Variants in MAGED1 observed in about 807,000 individuals in gnomAD.
The protein encoded by MAGED1 is MAGE family member D1, also known as melanoma-associated antigen D1.
Under a neutral mutation model 54.1 loss-of-function variants are expected in MAGED1, and 3 were observed. The observed-to-expected ratio is 0.06, with a 90% confidence interval of 0.03 to 0.14. The LOEUF is 0.14. Ranked by LOEUF, MAGED1 falls within the 10% of genes least tolerant of loss-of-function variation. MAGED1 has a pLI of 1.00. For missense variants in MAGED1, 485 were observed against 623.4 expected (o/e 0.78, Z 2.36); for synonymous variants, 217 against 227.3 (o/e 0.95, Z 0.41).
chrX:51,810,437 G>A (rs1480986385), intron 1 of MAGED1, among the ~76,000 whole-genome samples: 4 of 111,782 alleles, frequency 3.6e-5, no homozygotes, highest in African/African-American at 1.3e-4. Context: ...TTGAAAATTC[G>A]CTAAACATGG....
intron 1 of MAGED1, among the ~76,000 whole-genome samples, chrX:51,846,684 G>A (rs1450356462): frequency 9.0e-6 from 1 of 111,500 alleles, no homozygotes; most frequent in Non-Finnish European, 1.9e-5. Flanking sequence ...AATCATGGCA[G>A]AAGGCATGTC....
At chrX:51,892,996 C>G (rs1204686625), upstream of MAGED1, among the ~76,000 whole-genome samples, 1 of 110,659 alleles carries the variant, frequency 9.0e-6, no homozygotes, top group Admixed American at 9.6e-5. Context: ...CCCCAACACA[C>G]ACAAAATGAG....
intron 1 of MAGED1, among the ~76,000 whole-genome samples, chrX:51,826,495 C>G (rs781907179): frequency 9.0e-6 from 1 of 110,977 alleles, no homozygotes; most frequent in African/African-American, 3.3e-5. Context: ...TTGTCCTTCT[C>G]CATTGAATTA....
At chrX:51,859,988 G>A (rs1245611477) in intron 1 of MAGED1, among the ~76,000 whole-genome samples, 2 of 110,583 alleles carry the variant, frequency 1.8e-5, no homozygotes. Flanking sequence ...ATGGATAGCC[G>A]GGTGCATTGG....
intron 1 of MAGED1, among the ~76,000 whole-genome samples, chrX:51,848,998 T>C (rs77641785): frequency 9.2e-6 from 1 of 108,840 alleles, no homozygotes; most frequent in South Asian, 4.1e-4. Context: ...GTCATAAAGA[T>C]ATTCTACTAT....
chrX:51,897,205 C>T lies in MAGED1; in HGVS notation c.1423-3C>T. ...GTTTAATGATTTCCTTTTTCCCTCC[C>T]AGGCAAATAAGTTGGTCAAGTACTT... On this transcript the variant is annotated splice_region_variant and splice_polypyrimidine_tract_variant and intron_variant, in intron 4 of 12. Transcript: ENST00000326587. The T allele has an allele frequency of 8.3e-7, 1 of 1,209,852 alleles. No individual in the cohort carries two copies. Among genetic ancestry groups the T allele is most frequent in the Non-Finnish European group, 1.1e-6 (1 of 894,545 alleles).
At chrX:51,894,461 A>C in intron 2 of MAGED1, 112 bp downstream of exon 2, 1 of 857,723 alleles carries the variant, frequency 1.2e-6, no homozygotes, top group Non-Finnish European at 1.7e-6. Context: ...TTTAGTGACT[A>C]GACTCCGTGG....
At chrX:51,889,186 T>G (rs1316166389), upstream of MAGED1, among the ~76,000 whole-genome samples, 1 of 111,889 alleles carries the variant, frequency 8.9e-6, no homozygotes, top group Non-Finnish European at 1.9e-5. Flanking sequence ...GGGAAGCAGA[T>G]AAAGGGTACA....
In MAGED1 at chrX:51,897,266, G is replaced by A. The variant is rs1928799744; in HGVS notation, c.1481G>A (p.Arg494His). 3.3e-6 allele frequency: 4 copies of A among 1,205,436 alleles called. No individual in the cohort carries two copies. Among genetic ancestry groups the A allele is most frequent in the Admixed American group, 2.2e-5 (1 of 45,401 alleles). The stretch of plus-strand genomic sequence containing the variant: ...GACTACACAAAGGTGCCCATCAAGC[G>A]CTCAGGTATGCATCCAGTGTCCCCT... ...LKDYTKVPIK[R>H]SEMLRDIIRE... The change falls in exon 5 of 13, where the codon CGC (arginine) becomes CAC (histidine). Residue 494 changes from arginine to histidine, a missense_variant. Around this residue, in one of 2 missense-constraint regions of MAGED1, gnomAD observed 186 missense variants for 330.3 expected, o/e 0.56. Coordinates refer to ENST00000326587, the MANE Select transcript of MAGED1 (RefSeq NM_006986.4).
At chrX:51,804,103 A>G (rs1924951848) in intron 1 of MAGED1, among the ~76,000 whole-genome samples, 1 of 112,383 alleles carries the variant, frequency 8.9e-6, no homozygotes, top group Non-Finnish European at 1.9e-5. Flanking sequence ...TACACAATCT[A>G]TTTGTTGCAA....
chrX:51,876,764 T>C (rs1212552846), intron 1 of MAGED1, among the ~76,000 whole-genome samples: 1 of 109,974 alleles, frequency 9.1e-6, no homozygotes, highest in African/African-American at 3.3e-5. Context: ...GGTACCTTTT[T>C]CTTTTCTTTT....
At chrX:51,857,492 A>G (rs1221704258) in intron 1 of MAGED1, 3 of 111,951 alleles carry the variant, frequency 2.7e-5, no homozygotes, top group African/African-American at 9.7e-5. Flanking sequence ...GAGAGAATTC[A>G]TAGTGGAAAG....
intron 1 of MAGED1, among the ~76,000 whole-genome samples, chrX:51,815,764 G>A (rs1275029834): frequency 9.0e-6 from 1 of 110,616 alleles, no homozygotes; most frequent in Non-Finnish European, 1.9e-5. Flanking sequence ...CAGGTGATCC[G>A]CGCATCTCGG....
chrX:51,839,047 G>GTGGATATT (rs782291629), intron 1 of MAGED1, among the ~76,000 whole-genome samples: 2 of 111,354 alleles, frequency 1.8e-5, no homozygotes, highest in African/African-American at 3.3e-5. Context: ...GAACCTAAAT[G>GTGGATATT]TGGATATTTT....
chrX:51,809,407 C>T (rs1349624973), intron 1 of MAGED1, among the ~76,000 whole-genome samples: 1 of 111,724 alleles, frequency 9.0e-6, no homozygotes, highest in African/African-American at 3.3e-5. Flanking sequence ...CGTGAGCCAC[C>T]GCGCCCGGCC....
At chrX:51,814,307 G>A (rs868959804) in intron 1 of MAGED1, among the ~76,000 whole-genome samples, 5 of 111,198 alleles carry the variant, frequency 4.5e-5, no homozygotes, top group Admixed American at 1.9e-4. Flanking sequence ...CGCCGCTGCC[G>A]CTGCCACTGC....
intron 1 of MAGED1, among the ~76,000 whole-genome samples, chrX:51,879,477 C>T (rs1927984269): frequency 1.8e-5 from 2 of 110,569 alleles, no homozygotes; most frequent in Admixed American, 9.7e-5. Flanking sequence ...TCTTTTAACA[C>T]TTTAAATATT....
intron 1 of MAGED1, among the ~76,000 whole-genome samples, chrX:51,830,416 A>G (rs1557357313): frequency 9.0e-6 from 1 of 111,156 alleles, no homozygotes; most frequent in Non-Finnish European, 1.9e-5. Flanking sequence ...CATAAAATAG[A>G]TGAAGCAAGT....
At chrX:51,900,962 A>G (rs1340958208) in intron 11 of MAGED1, among the ~76,000 whole-genome samples, 1 of 112,473 alleles carries the variant, frequency 8.9e-6, no homozygotes, top group Admixed American at 9.4e-5. Context: ...TGACTAATAA[A>G]AAATATACAT....
Sources: allele counts gnomAD v4.1 joint callset (sites outside exome capture counted in the v4.1 genomes callset), GRCh38; gene constraint gnomAD v4.1.1; regional missense constraint gnomAD v4.1.1; transcripts MANE v1.5; gene names NCBI Gene and HGNC (gene_info 2026-07-23, HGNC 2026-07-21).